ZNF592: variants seen among roughly 807,000 people sequenced by gnomAD.
The protein encoded by ZNF592 is spinocerebellar ataxia, autosomal recessive 5.
A neutral mutation model predicts 80.3 loss-of-function variants in ZNF592; 11 were observed. The observed-to-expected ratio is 0.14, with a 90% CI of 0.09 to 0.23. The LOEUF is 0.23. ZNF592 is among the 10% of genes least tolerant of loss of function. The pLI, the probability that ZNF592 is intolerant of heterozygous loss-of-function variation, is 1.00. For synonymous variants in ZNF592, 646 were observed against 640.3 expected (o/e 1.01, Z -0.13); for missense variants, 1,420 against 1,633.9 (o/e 0.87, Z 2.26).
Position 84,784,508 on chromosome 15 carries a change from C to G in ZNF592, c.1833C>G (p.Val611=), listed in dbSNP as rs1962529522. ...SLSQHYGRRS[V]HIEVLCTLCS... is the part of the protein sequence containing the mutation. ...GCCAGCACTATGGCCGGCGGAGCGTCCACATTGAGGTACTGTGCACACTGT... is the reference window on the plus strand; with the variant it reads ...GCCAGCACTATGGCCGGCGGAGCGTGCACATTGAGGTACTGTGCACACTGT... The change falls in exon 4 of 11, where the codon GTC becomes GTG. Residue 611 remains valine, a synonymous_variant. Transcript: ENST00000560079. The surrounding 1 kb of genome is among the most constrained non-coding windows in gnomAD (Gnocchi z 5.8). 6.2e-7 allele frequency: 1 copy of G among 1,614,184 alleles called. No homozygotes were observed. The highest frequency in any genetic ancestry group is 1.7e-5 in the Admixed American group (1 of 60,024).
chr15:84,791,979 G>T (rs910648283), intron 5 of ZNF592, among the ~76,000 whole-genome samples: 3 of 152,146 alleles, frequency 2.0e-5, no homozygotes, highest in African/African-American at 7.2e-5. Context: ...TTATCCAATG[G>T]ACAGTGAGGA....
At chr15:84,788,477 T>C (rs972953086) in intron 4 of ZNF592, among the ~76,000 whole-genome samples, 5 of 152,238 alleles carry the variant, frequency 3.3e-5, no homozygotes, top group African/African-American at 1.2e-4. Flanking sequence ...TTGTTTCTTT[T>C]AATTAACAGT....
chr15:84,763,885 A>G (rs192814258), intron 1 of ZNF592, among the ~76,000 whole-genome samples: 1 of 152,338 alleles, frequency 6.6e-6, no homozygotes, highest in African/African-American at 2.4e-5. Context: ...AGTCAATTAA[A>G]TCTGAATCTT....
intron 2 of ZNF592, among the ~76,000 whole-genome samples, chr15:84,776,680 C>T (rs1486750701): frequency 2.6e-5 from 4 of 152,192 alleles, no homozygotes; most frequent in Non-Finnish European, 4.4e-5. Flanking sequence ...CCCTTTAACC[C>T]GGGAGGTGGA....
chr15:84,772,337 C>A (rs924681344), intron 2 of ZNF592, among the ~76,000 whole-genome samples: 5 of 152,118 alleles, frequency 3.3e-5, no homozygotes, highest in Non-Finnish European at 5.9e-5. Flanking sequence ...TTCTGACTTT[C>A]CCCTTGTCTG....
At chr15:84,794,481 CTT>C (rs56308142) in intron 5 of ZNF592, among the ~76,000 whole-genome samples, 8 of 144,442 alleles carry the variant, frequency 5.5e-5, no homozygotes, top group Non-Finnish European at 6.1e-5. Context: ...TGGACTCCAA[CTT>C]TTTTTTTTTT....
chr15:84,793,676 T>C (rs1596130871), intron 5 of ZNF592, among the ~76,000 whole-genome samples: 2 of 152,198 alleles, frequency 1.3e-5, no homozygotes, highest in Non-Finnish European at 2.9e-5. Flanking sequence ...AGAAGAAACC[T>C]CATATCCACC....
intron 1 of ZNF592, among the ~76,000 whole-genome samples, chr15:84,759,031 T>G (rs1243021717): frequency 1.3e-5 from 2 of 152,346 alleles, no homozygotes; most frequent in African/African-American, 4.8e-5. Context: ...CCTCTTCTTA[T>G]GGTCTCCCTA....
At position 84,784,161 on chromosome 15, in the gene ZNF592, G is replaced by T. The variant is rs1276572837; in HGVS notation, c.1486G>T (p.Ala496Ser). The T allele has an allele frequency of 6.2e-7, 1 of 1,614,032 alleles. No individual in the cohort carries two copies. The highest frequency in any genetic ancestry group is 1.3e-5 in the African/African-American group (1 of 74,946). ...ACTGCAGGCATCCACCCTGGCCCCT[G>T]CCAACCTCCTGCCCAAAGCCGTGCA... Reference protein sequence around the residue: ...TALQASTLAPANLLPKAVHLA... With the variant: ...TALQASTLAPSNLLPKAVHLA... Residue 496 changes from alanine to serine, a missense_variant, in exon 4 of 11, where the codon GCC (alanine) becomes TCC (serine). Ala to Ser is a moderately conservative substitution (Grantham distance 99). This residue lies in a region of ZNF592 where 524 missense variants were observed against 628.3 expected (regional missense o/e 0.83). Coordinates refer to ENST00000560079, the MANE Select transcript of ZNF592 (RefSeq NM_014630.3). This position sits in a 1 kb window ranked among gnomAD's most constrained non-coding sequence, Gnocchi z 5.8.
In ZNF592 at chr15:84,802,299, G is replaced by A. The variant is rs1475877993; in HGVS notation, c.3710G>A (p.Gly1237Asp). 2 of 1,613,416 alleles carry A rather than the reference G, an allele frequency of 1.2e-6. No individual in the cohort carries two copies. Reference protein sequence around the residue: ...SADPEARRLLGPAPEDDGGHN... With the variant: ...SADPEARRLLDPAPEDDGGHN... Reference sequence around the variant, plus strand: ...GACCCAGAGGCGAGGAGATTGCTGGGCCCGGCCCCTGAGGACGATGGTGGC... The same window carrying A: ...GACCCAGAGGCGAGGAGATTGCTGGACCCGGCCCCTGAGGACGATGGTGGC... Residue 1237 changes from glycine (G) to aspartate (D), a missense_variant, in exon 11 of 11, where the codon GGC (glycine) becomes GAC (aspartate). By Grantham distance (94) the Gly-to-Asp change is moderately conservative (BLOSUM62 -1). This residue lies in a region of ZNF592 where 145 missense variants were observed against 211.9 expected (regional missense o/e 0.68). Transcript: ENST00000560079.
intron 1 of ZNF592, among the ~76,000 whole-genome samples, chr15:84,763,856 A>AC (rs991570071): frequency 6.6e-6 from 1 of 152,210 alleles, no homozygotes; most frequent in Non-Finnish European, 1.5e-5. Context: ...TGGGCCGTTA[A>AC]CCAGTGTTTC....
chr15:84,797,788 A>G (rs1962959825), intron 5 of ZNF592, 81 bp from the exon 6 acceptor site: 2 of 1,508,280 alleles, frequency 1.3e-6, no homozygotes, highest in African/African-American at 2.7e-5. Flanking sequence ...CCTCTTCTCC[A>G]TCCCTCCTCT....
intron 5 of ZNF592, among the ~76,000 whole-genome samples, chr15:84,792,986 GTGTATGCTGCT>G (rs1245936738): frequency 2.6e-5 from 4 of 152,144 alleles, no homozygotes; most frequent in African/African-American, 9.7e-5. Context: ...CTTGATTTAA[GTGTATGCTGCT>G]TGTTCTAAGA....
At chr15:84,757,785 A>G (rs1229302890) in intron 1 of ZNF592, among the ~76,000 whole-genome samples, 1 of 150,926 alleles carries the variant, frequency 6.6e-6, no homozygotes, top group Non-Finnish European at 1.5e-5. Context: ...CAGCCTCCCA[A>G]GTAGCTGGGA....
rs1323239845 is a variant in ZNF592, at chr15:84,783,926, C to A, written c.1251C>A (p.Ala417=). Residue 417 remains alanine, a synonymous_variant, in exon 4 of 11, where the codon GCC becomes GCA. Transcript: ENST00000560079. This position sits in a 1 kb window ranked among gnomAD's most constrained non-coding sequence, Gnocchi z 5.0. ...CTCTAGGGAGCGCCATTGCAGAGGC[C>A]CCCAGCGAGATGCCAGGGGATGAGG... is the stretch of plus-strand genomic sequence containing the variant. ...GSPLGSAIAE[A]PSEMPGDEVP... 6.2e-7 allele frequency: 1 copy of A among 1,614,044 alleles called. No homozygotes were observed. Among genetic ancestry groups the A allele is most frequent in the Non-Finnish European group, 8.5e-7 (1 of 1,179,918 alleles).
rs186267 is a variant in ZNF592 at position 84,796,136 on chromosome 15, C to T, written c.2400-1733C>T. ...ACTTGGGAGGCTGAGACAGGAGAAT[C>T]GCTTGAACCCAGGAGGTGGAGGTTG... is the stretch of plus-strand genomic sequence containing the variant. On this transcript the variant is annotated intron_variant, in intron 5 of 10. Coordinates refer to ENST00000560079, the MANE Select transcript of ZNF592 (RefSeq NM_014630.3). 4.1e-5 allele frequency among the ~76,000 whole-genome samples: 6 copies of T among 147,564 alleles called. No individual in the cohort carries two copies. In the South Asian group the frequency reaches 6.4e-4, roughly 16 times the overall value.
At position 84,783,978 on chromosome 15, in the gene ZNF592, G is replaced by A. The variant is rs1962504152; in HGVS notation, c.1303G>A (p.Ala435Thr). Residue 435 changes from alanine (A) to threonine (T), a missense_variant, in exon 4 of 11, where the codon GCA (alanine) becomes ACA (threonine). Transcript: ENST00000560079. The surrounding 1 kb of genome is among the most constrained non-coding windows in gnomAD (Gnocchi z 5.0). ...GCCTGTGGAAGAGCACTTTCCTGAG[G>A]CAGGCACAAATTCAGGGAGCCCCCA... ...EVPVEEHFPEAGTNSGSPQGA... is the reference protein window; with the variant it reads ...EVPVEEHFPETGTNSGSPQGA... The A allele has an allele frequency of 1.2e-6, 2 of 1,612,440 alleles. No individual in the cohort carries two copies. The highest frequency in any genetic ancestry group is 1.7e-6 in the Non-Finnish European group (2 of 1,178,644).
At chr15:84,800,025 T>TG (rs748794543) in intron 10 of ZNF592, 48 bp downstream of exon 10, 533 of 1,613,714 alleles carry the variant, frequency 3.3e-4, no homozygotes, top group Non-Finnish European at 4.1e-4. Flanking sequence ...CAGTGAGGCT[T>TG]GGAGCTGGAA....
rs1962498988 is a variant in ZNF592 at position 84,783,871 on chromosome 15, A to G, written c.1196A>G (p.Asp399Gly). 6.2e-7 allele frequency: 1 copy of G among 1,614,074 alleles called. No homozygotes were observed. Among genetic ancestry groups the G allele is most frequent in the Admixed American group, 1.7e-5 (1 of 60,006 alleles). ...RTVTRILPDP[D>G]DPSKSPVGSP... ...GTCACAAGGATCCTGCCAGATCCTG[A>G]TGATCCAAGTAAGTCCCCTGTTGGG... The change falls in exon 4 of 11, where the codon GAT (aspartate) becomes GGT (glycine). Residue 399 changes from aspartate to glycine, a missense_variant. Asp to Gly is a moderately conservative substitution (Grantham distance 94). Transcript: ENST00000560079. The surrounding 1 kb of genome is among the most constrained non-coding windows in gnomAD (Gnocchi z 5.0).
Sources: gnomAD v4.1 joint callset for allele counts (sites outside exome capture counted in the v4.1 genomes callset) on GRCh38, gnomAD v4.1.1 for gene constraint, gnomAD v4.1.1 regional missense constraint, Gnocchi (gnomAD v3.1) non-coding constraint, MANE v1.5 for transcripts, NCBI Gene and HGNC (gene_info 2026-07-23, HGNC 2026-07-21) for gene names.